Variants in PRKAA2 observed in about 807,000 individuals in gnomAD.
The protein encoded by PRKAA2 is protein kinase AMP-activated catalytic subunit alpha 2.
In PRKAA2, 40 loss-of-function variants were observed where a neutral mutation model predicts 56.3. That is an observed-to-expected ratio of 0.71 (90% confidence interval 0.55 to 0.92). PRKAA2 has a LOEUF of 0.92. Ranked by LOEUF, PRKAA2 falls within the 40% of genes least tolerant of loss-of-function variation. PRKAA2 has a pLI of 0.00. For missense variants in PRKAA2, 542 were observed against 686.9 expected, an observed-to-expected ratio of 0.79 and a Z score of 2.36; for synonymous variants, 214 against 234.2, an observed-to-expected ratio of 0.91 and a Z score of 0.79.
intron 2 of PRKAA2, among the ~76,000 whole-genome samples, chr1:56,680,789 T>C (rs7367199): frequency 0.44 from 67,061 of 152,092 alleles, 15,424 homozygotes; most frequent in East Asian, 0.59. Context: ...TACAAGTCTT[T>C]GCTATTGTGA....
Position 56,645,373 on chromosome 1 carries a change from CCG to C in PRKAA2, c.-7_-6del, listed in dbSNP as rs1646631004. 3 of 1,461,408 alleles carry C rather than the reference CCG, an allele frequency of 2.1e-6. No individual in the cohort carries two copies. Among genetic ancestry groups the C allele is most frequent in the Admixed American group, 2.3e-5 (1 of 44,266 alleles). 90.5% of individuals were successfully genotyped at this position (1,461,408 alleles called of 1,614,324 possible). On this transcript the variant is annotated 5_prime_UTR_variant, in exon 1 of 9. Coordinates refer to ENST00000371244, the MANE Select transcript of PRKAA2 (RefSeq NM_006252.4). Reference sequence around the variant, plus strand: ...CGGAGCGGCAGGCGGTGGAGCGAGGCCGCGCGCGCCGAAGATGGCTGAGAAGC... The same window carrying C: ...CGGAGCGGCAGGCGGTGGAGCGAGGCCGCGCGCCGAAGATGGCTGAGAAGC...
chr1:56,671,787 T>C (rs2796543), intron 1 of PRKAA2, among the ~76,000 whole-genome samples: 150,066 of 152,270 alleles, frequency 0.99, 73,948 homozygotes, highest in East Asian at 1. Flanking sequence ...TGTGTGACCT[T>C]GGGTGACTTA....
intron 1 of PRKAA2, among the ~76,000 whole-genome samples, chr1:56,665,283 A>G (rs926990943): frequency 1.3e-5 from 2 of 152,112 alleles, no homozygotes; most frequent in South Asian, 2.1e-4. Flanking sequence ...CATGTTTGCC[A>G]TGCTGGTCTC....
chr1:56,655,545 G>T (rs1385242602), intron 1 of PRKAA2, among the ~76,000 whole-genome samples: 1 of 151,514 alleles, frequency 6.6e-6, no homozygotes, highest in African/African-American at 2.4e-5. Context: ...TTAGTCATAC[G>T]GGATTTTAAG....
Position 56,710,886 on chromosome 1 carries a change from G to C in PRKAA2, c.*3173G>C, listed in dbSNP as rs969437649. The C allele has an allele frequency of 6.6e-6, 1 of 152,040 alleles. No homozygotes were observed. The highest frequency in any genetic ancestry group is 2.4e-5 in the African/African-American group (1 of 41,420). 9.4% of individuals were successfully genotyped at this position (152,040 alleles called of 1,614,324 possible). On this transcript the variant is annotated 3_prime_UTR_variant, in exon 9 of 9. Coordinates refer to ENST00000371244, the MANE Select transcript of PRKAA2 (RefSeq NM_006252.4). ...CTTACTTTTAAAATGTGTAGTCAGT[G>C]AACATTTTCTAAATACTTTTCTTTG...
chr1:56,694,755 A>G (rs1311073670), intron 5 of PRKAA2, among the ~76,000 whole-genome samples: 1 of 152,006 alleles, frequency 6.6e-6, no homozygotes, highest in Non-Finnish European at 1.5e-5. Context: ...CCACCTCCTA[A>G]TACTATCTCC....
At chr1:56,647,789 G>A (rs1160558846) in intron 1 of PRKAA2, among the ~76,000 whole-genome samples, 1 of 151,740 alleles carries the variant, frequency 6.6e-6, no homozygotes, top group East Asian at 1.9e-4. Context: ...CAGCACTTTG[G>A]GAGGCTGAGG....
At chr1:56,675,177 G>A (rs1644104518) in intron 2 of PRKAA2, among the ~76,000 whole-genome samples, 1 of 152,036 alleles carries the variant, frequency 6.6e-6, no homozygotes, top group African/African-American at 2.4e-5. Flanking sequence ...GTGCAATAAT[G>A]TGTTTCTTTC....
chr1:56,684,775 T>C (rs1419826020), intron 2 of PRKAA2, among the ~76,000 whole-genome samples: 1 of 151,956 alleles, frequency 6.6e-6, no homozygotes, highest in African/African-American at 2.4e-5. Context: ...TAAGAGGGAA[T>C]ATGAGATAAA....
intron 1 of PRKAA2, among the ~76,000 whole-genome samples, chr1:56,658,061 G>T (rs1370656058): frequency 2.0e-5 from 3 of 152,194 alleles, no homozygotes; most frequent in Non-Finnish European, 1.5e-5. Flanking sequence ...TCCTTGCTTT[G>T]TTTGGGAAAT....
chr1:56,654,231 C>T (rs1643924597), intron 1 of PRKAA2, among the ~76,000 whole-genome samples: 1 of 152,094 alleles, frequency 6.6e-6, no homozygotes, highest in African/African-American at 2.4e-5. Context: ...CTGACACAAC[C>T]ATGCTTTATC....
intron 6 of PRKAA2, among the ~76,000 whole-genome samples, chr1:56,700,835 C>A (rs1644289026): frequency 6.6e-6 from 1 of 152,010 alleles, no homozygotes; most frequent in African/African-American, 2.4e-5. Flanking sequence ...ACCTCAATGC[C>A]CCAGTGATTG....
At chr1:56,671,256 AG>A (rs1314866172) in intron 1 of PRKAA2, among the ~76,000 whole-genome samples, 1 of 152,208 alleles carries the variant, frequency 6.6e-6, no homozygotes, top group Admixed American at 6.5e-5. Context: ...TGACGTTATT[AG>A]GCAAAAAAGG....
At chr1:56,669,213 C>T (rs997332872) in intron 1 of PRKAA2, among the ~76,000 whole-genome samples, 1 of 152,090 alleles carries the variant, frequency 6.6e-6, no homozygotes, top group African/African-American at 2.4e-5. Context: ...AATGCCAGCA[C>T]TTTGGGAGGC....
chr1:56,706,668 T>A (rs930572631), intron 8 of PRKAA2, among the ~76,000 whole-genome samples: 8 of 152,182 alleles, frequency 5.3e-5, no homozygotes, highest in African/African-American at 1.9e-4. Context: ...TAGGTACCCA[T>A]GGCAATCAAG....
rs1331515277 is a variant in PRKAA2 at position 56,711,794 on chromosome 1, G to T, written c.*4081G>T. The T allele has an allele frequency of 6.6e-6, 1 of 152,014 alleles. No individual in the cohort carries two copies. Among genetic ancestry groups the T allele is most frequent in the African/African-American group, 2.4e-5 (1 of 41,400 alleles). 9.4% of individuals were successfully genotyped at this position (152,014 alleles called of 1,614,324 possible). A position where few individuals can be genotyped will look rare whatever the true frequency, so the allele number is the denominator to read the frequency against. ...TTTAACACTTCTAAGGTACCTTTGA[G>T]CTTTAAAGTTCTTTTCTGCTTTTCC... On this transcript the variant is annotated 3_prime_UTR_variant, in exon 9 of 9. Coordinates refer to ENST00000371244, the MANE Select transcript of PRKAA2 (RefSeq NM_006252.4).
intron 1 of PRKAA2, 133 bp from the exon 2 acceptor site, chr1:56,674,248 T>C: frequency 1.5e-6 from 1 of 657,704 alleles, no homozygotes; most frequent in Non-Finnish European, 2.4e-6. Flanking sequence ...TAAAAAGAAC[T>C]GTAGTTTTGT....
intron 8 of PRKAA2, 25 bp from the exon 9 acceptor site, chr1:56,707,450 A>AT (rs1204353631): frequency 6.3e-7 from 1 of 1,584,402 alleles, no homozygotes; most frequent in South Asian, 1.1e-5. Context: ...TTCCATATAA[A>AT]TTGCTCTTCT....
intron 2 of PRKAA2, among the ~76,000 whole-genome samples, chr1:56,678,995 A>G (rs1167985349): frequency 6.6e-6 from 1 of 152,004 alleles, no homozygotes; most frequent in African/African-American, 2.4e-5. Context: ...TGCCCAGCCT[A>G]ATTCTTTTTA....
Sources: allele counts gnomAD v4.1 joint callset (sites outside exome capture counted in the v4.1 genomes callset), GRCh38; gene constraint gnomAD v4.1.1; transcripts MANE v1.5; gene names NCBI Gene and HGNC (gene_info 2026-07-23, HGNC 2026-07-21).